Variants in TRMT44 observed in about 807,000 individuals in gnomAD.
TRMT44 encodes the protein probable tRNA (uracil-O(2)-)-methyltransferase.
A neutral mutation model predicts 77.3 loss-of-function variants in TRMT44; 78 were observed. The ratio of observed to expected loss-of-function variants is 1.01; its 90% CI spans 0.84 to 1.22. TRMT44 has a LOEUF of 1.22. Among genes scored for constraint, TRMT44 ranks in the 50% most tolerant of loss-of-function variants. The pLI, the probability that TRMT44 is intolerant of heterozygous loss-of-function variation, is 0.00. For missense variants in TRMT44, 1,090 were observed against 964.4 expected (o/e 1.13, Z -1.73); for synonymous variants, 391 against 383.3 (o/e 1.02, Z -0.23).
intron 1 of TRMT44, among the ~76,000 whole-genome samples, chr4:8,445,324 A>C (rs1243664657): frequency 6.6e-6 from 1 of 152,218 alleles, no homozygotes; most frequent in African/African-American, 2.4e-5. Context: ...TAATTCATGG[A>C]AAGAATGATG....
chr4:8,456,578 T>A (rs1289115038), intron 6 of TRMT44, among the ~76,000 whole-genome samples: 3 of 151,752 alleles, frequency 2.0e-5, no homozygotes, highest in East Asian at 3.9e-4. Context: ...GAAAGAAATT[T>A]GTGAAACTGT....
chr4:8,470,350 G>T (rs3733531), intron 9 of TRMT44, among the ~76,000 whole-genome samples: 1 of 152,204 alleles, frequency 6.6e-6, no homozygotes, highest in Non-Finnish European at 1.5e-5. Flanking sequence ...GACAGGCGCC[G>T]TCTCCTCCGC....
chr4:8,473,906 G>A (rs1353890870), intron 10 of TRMT44, among the ~76,000 whole-genome samples: 2 of 152,172 alleles, frequency 1.3e-5, no homozygotes, highest in African/African-American at 4.8e-5. Context: ...GTGAGGCTGG[G>A]CCAGCCTGGA....
rs919708062 is a variant in TRMT44, at chr4:8,451,256, G to A, written c.955-704G>A. Among the ~76,000 whole-genome samples, 9 of 152,062 alleles carry A rather than the reference G, an allele frequency of 5.9e-5. No individual in the cohort carries two copies. The highest frequency in any genetic ancestry group is 1.0e-4 in the Non-Finnish European group (7 of 68,028). On this transcript the variant is annotated intron_variant, in intron 3 of 10. Transcript: ENST00000389737. This position sits in a 1 kb window ranked among gnomAD's most constrained non-coding sequence, Gnocchi z 4.1. ...GCCATCTTGTTAGCTATTTGGTACC[G>A]TCCAGAAGGTACTTTTTATGTTTTT...
At chr4:8,499,768 G>C in the TRMT44 span, among the ~76,000 whole-genome samples, 2 of 152,188 alleles carry the variant, frequency 1.3e-5, no homozygotes, top group African/African-American at 4.8e-5. Context: ...TGAGGGAGGA[G>C]GTTGGGAGGA....
At chr4:8,512,316 C>G in the TRMT44 span, 1 of 152,244 alleles carries the variant, frequency 6.6e-6, no homozygotes, top group Non-Finnish European at 1.5e-5. Flanking sequence ...ATCCGCCCAC[C>G]TCGGCCTCCC....
chr4:8,458,988 C>T (rs1463435077), intron 6 of TRMT44, among the ~76,000 whole-genome samples: 9 of 151,248 alleles, frequency 6.0e-5, no homozygotes, highest in Non-Finnish European at 1.3e-4. Flanking sequence ...CACTTGAGTC[C>T]AGGAGTGCGA....
intron 7 of TRMT44, 114 bp from the exon 8 acceptor site, chr4:8,465,264 A>C: frequency 7.4e-6 from 7 of 950,702 alleles, no homozygotes; most frequent in Non-Finnish European, 9.7e-6. Context: ...TTGGCCAGGA[A>C]CATCACTTCC....
intron 2 of TRMT44, among the ~76,000 whole-genome samples, chr4:8,481,840 G>C (rs1727624210): frequency 6.6e-6 from 1 of 152,226 alleles, no homozygotes; most frequent in African/African-American, 2.4e-5. Context: ...TGTGATAACA[G>C]GGCTGCTTTC....
chr4:8,503,413 G>A, the TRMT44 span, among the ~76,000 whole-genome samples: 4 of 152,182 alleles, frequency 2.6e-5, no homozygotes, highest in African/African-American at 2.4e-5. Flanking sequence ...ATGGGAATCC[G>A]GACCCAGGTG....
rs1725480668 is a variant in TRMT44 at position 8,451,976 on chromosome 4, C to T, written c.971C>T (p.Thr324Ile). The stretch of plus-strand genomic sequence containing the variant: ...CTGTTTTAGGTGTGGCCTGAAGTCA[C>T]TGATCCTGAGAAGTTCGTGTATGAA... The part of the protein sequence containing the change: ...KEMVKVWPEV[T>I]DPEKFVYEDV... Residue 324 changes from threonine (T) to isoleucine (I), a missense_variant, in exon 4 of 11, where the codon ACT becomes ATT. By Grantham distance (89) the Thr-to-Ile change is moderately conservative. Coordinates refer to ENST00000389737, the MANE Select transcript of TRMT44 (RefSeq NM_152544.3). The surrounding 1 kb of genome is among the most constrained non-coding windows in gnomAD (Gnocchi z 4.1). 6.5e-7 allele frequency: 1 copy of T among 1,536,792 alleles called. No individual in the cohort carries two copies. The highest frequency in any genetic ancestry group is 1.4e-5 in the African/African-American group (1 of 73,178).
intron 6 of TRMT44, 161 bp downstream of exon 6, chr4:8,454,974 C>G (rs2002860): frequency 0.61 from 422,234 of 697,490 alleles, 129,806 homozygotes; most frequent in African/African-American, 0.82. Context: ...GAAAAAGAGA[C>G]ATGAAACTAG....
intron 3 of TRMT44, among the ~76,000 whole-genome samples, chr4:8,450,614 A>C (rs1318948908): frequency 4.6e-5 from 7 of 152,174 alleles, no homozygotes; most frequent in Non-Finnish European, 1.0e-4. Context: ...AACAAGAAAC[A>C]TCTGTGTTGC....
intron 9 of TRMT44, 158 bp downstream of exon 9, chr4:8,468,504 C>G (rs1478623865): frequency 4.2e-6 from 3 of 708,912 alleles, no homozygotes; most frequent in South Asian, 1.8e-5. Context: ...CAAGCAAATT[C>G]TTTAAAATTT....
At chr4:8,466,222 C>T (rs758844121) in intron 8 of TRMT44, among the ~76,000 whole-genome samples, 10 of 152,236 alleles carry the variant, frequency 6.6e-5, no homozygotes, top group Non-Finnish European at 1.3e-4. Flanking sequence ...AAAATAACCC[C>T]GTCGTGTCCA....
At chr4:8,471,341 C>G in intron 10 of TRMT44, 141 bp downstream of exon 10, 1 of 592,770 alleles carries the variant, frequency 1.7e-6, no homozygotes, top group Non-Finnish European at 2.8e-6. Flanking sequence ...CCACCCAGCT[C>G]TGACGTGGGT....
rs114506310 is a variant in TRMT44 at position 8,454,459 on chromosome 4, A to G, written c.1132-283A>G. 963 of 505,648 alleles carry G rather than the reference A, an allele frequency of 1.9e-3. 8 individuals are homozygous for G. Among genetic ancestry groups the G allele is most frequent in the African/African-American group, 0.017 (868 of 52,484 alleles). The allele number at this position is 505,648 out of a possible 1,614,324, so 31.3% of individuals were successfully genotyped here. The stretch of plus-strand genomic sequence containing the variant: ...GCAAATATGTGCAGGCCATCAGTAC[A>G]GTACTGTGCAGTACAGCAGCAAGAA... On this transcript the variant is annotated intron_variant, in intron 5 of 10. Transcript: ENST00000389737.
chr4:8,448,873 C>T (rs989336066), intron 2 of TRMT44, among the ~76,000 whole-genome samples: 1 of 152,232 alleles, frequency 6.6e-6, no homozygotes, highest in Non-Finnish European at 1.5e-5. Flanking sequence ...TCCGGCTCTG[C>T]CCCGCTCACC....
downstream of TRMT44, among the ~76,000 whole-genome samples, chr4:8,481,375 T>C (rs1727608295): frequency 6.6e-6 from 1 of 152,244 alleles, no homozygotes; most frequent in Non-Finnish European, 1.5e-5. Flanking sequence ...CTTGGGCACA[T>C]GTTCTCAGGA....
Sources: allele counts gnomAD v4.1 joint callset (sites outside exome capture counted in the v4.1 genomes callset), GRCh38; gene constraint gnomAD v4.1.1; non-coding constraint Gnocchi (gnomAD v3.1); transcripts MANE v1.5; gene names NCBI Gene and HGNC (gene_info 2026-07-23, HGNC 2026-07-21).